Variants in ADAMTS14 observed in about 807,000 individuals in gnomAD.
The protein encoded by ADAMTS14 is A disintegrin and metalloproteinase with thrombospondin motifs 14.
A neutral mutation model predicts 128.6 loss-of-function variants in ADAMTS14; 100 were observed. That is an observed-to-expected ratio of 0.78 (90% CI 0.66 to 0.92). ADAMTS14 has a LOEUF of 0.92. Among genes scored for constraint, ADAMTS14 ranks in the 40% least tolerant of loss-of-function variants. The pLI, the probability that ADAMTS14 is intolerant of heterozygous loss-of-function variation, is 0.00. For synonymous variants in ADAMTS14, 665 were observed against 653.8 expected, an observed-to-expected ratio of 1.02 and a Z score of -0.26; for missense variants, 1,562 against 1,658.6, an observed-to-expected ratio of 0.94 and a Z score of 1.01.
At chr10:70,753,677 C>G in intron 18 of ADAMTS14, 123 bp from the exon 19 acceptor site, 2 of 1,086,424 alleles carry the variant, frequency 1.8e-6, no homozygotes, top group South Asian at 3.3e-5. Flanking sequence ...TCCTAGGCCT[C>G]AAACATTCTG....
chr10:70,698,830 A>G (rs1477071), intron 2 of ADAMTS14, among the ~76,000 whole-genome samples: 56,170 of 151,938 alleles, frequency 0.37, 11,292 homozygotes, highest in East Asian at 0.76. Context: ...GAGGCCTAAG[A>G]GTGTGGAGGC....
intron 19 of ADAMTS14, 108 bp from the exon 20 acceptor site, chr10:70,757,854 T>C: frequency 1.4e-6 from 2 of 1,473,356 alleles, no homozygotes; most frequent in South Asian, 1.3e-5. Context: ...CTTTGTACCC[T>C]TTCTGTCCCC....
At chr10:70,738,743 A>G (rs950362093) in intron 10 of ADAMTS14, 99 bp from the exon 11 acceptor site, 1 of 1,547,884 alleles carries the variant, frequency 6.5e-7, no homozygotes, top group African/African-American at 1.4e-5. Flanking sequence ...GATTCTGCCT[A>G]AACCCAGGCT....
chr10:70,674,457 A>G (rs552246637), intron 1 of ADAMTS14, 99 bp from the exon 2 acceptor site: 14 of 1,246,124 alleles, frequency 1.1e-5, no homozygotes, highest in Non-Finnish European at 1.5e-5. Context: ...TAAGGGTGAC[A>G]CTGAGAGTTC....
rs767521635 is a variant in ADAMTS14 at position 70,758,197 on chromosome 10, G to A, written c.3090G>A (p.Val1030=). ...CAGGAAATCACCAGAACTCCACGGT[G>A]AGGGCCGATGTCTGGGAACTTGGGA... ...ACGGNHQNST[V]RADVWELGTP... The change falls in exon 21 of 22, where the codon GTG becomes GTA. Residue 1030 remains valine, a synonymous_variant. Coordinates refer to ENST00000373207, the MANE Select transcript of ADAMTS14 (RefSeq NM_080722.4). 18 of 1,614,114 alleles carry A rather than the reference G, an allele frequency of 1.1e-5. 1 individual carries two copies. In the South Asian group the frequency reaches 1.9e-4, roughly 17 times the overall value.
At chr10:70,731,560 C>T (rs1033763121) in intron 6 of ADAMTS14, among the ~76,000 whole-genome samples, 1 of 152,202 alleles carries the variant, frequency 6.6e-6, no homozygotes, top group Non-Finnish European at 1.5e-5. Context: ...GGCCCCCCTG[C>T]ACTGCCATGA....
intron 6 of ADAMTS14, among the ~76,000 whole-genome samples, chr10:70,731,064 C>CCACACACACA (rs56903140): frequency 0.045 from 6,519 of 145,676 alleles, 182 homozygotes; most frequent in Non-Finnish European, 0.06. Flanking sequence ...GTTTTACACA[C>CCACACACACA]CACACACACA....
chr10:70,723,701 A>G (rs1841342749), intron 4 of ADAMTS14, among the ~76,000 whole-genome samples: 1 of 152,118 alleles, frequency 6.6e-6, no homozygotes, highest in Non-Finnish European at 1.5e-5. Context: ...TTGCTTTTTC[A>G]GCACTGGCCT....
At chr10:70,673,683 A>C (rs967339317) in intron 1 of ADAMTS14, among the ~76,000 whole-genome samples, 1 of 152,178 alleles carries the variant, frequency 6.6e-6, no homozygotes, top group African/African-American at 2.4e-5. Context: ...TTCATCAGTG[A>C]CGTGAACTGG....
rs369344374 is a variant in ADAMTS14, at chr10:70,673,563, G to A, written c.82+679G>A. Among the ~76,000 whole-genome samples, 13 of 152,274 alleles carry A rather than the reference G, an allele frequency of 8.5e-5. No homozygotes were observed. The East Asian group carries it at 2.1e-3, about 25-fold the overall frequency. ...CTCCTTGTTTGTGAGCCTTGTTCAT[G>A]TGCCAGAGTGGGTCCCCTCTTGCAG... On this transcript the variant is annotated intron_variant, in intron 1 of 21. Coordinates refer to ENST00000373207, the MANE Select transcript of ADAMTS14 (RefSeq NM_080722.4).
chr10:70,732,636 T>G (rs896006284), intron 7 of ADAMTS14, among the ~76,000 whole-genome samples: 16 of 152,228 alleles, frequency 1.1e-4, no homozygotes, highest in African/African-American at 3.9e-4. Flanking sequence ...GATGTGGCCC[T>G]GCCTTTGGGT....
intron 19 of ADAMTS14, among the ~76,000 whole-genome samples, chr10:70,755,733 C>CGGG: frequency 6.6e-6 from 1 of 152,180 alleles, no homozygotes; most frequent in African/African-American, 2.4e-5. Context: ...CCTGTAATCT[C>CGGG]AGCTACTCGG....
At chr10:70,713,535 C>T (rs1355035210) in intron 4 of ADAMTS14, among the ~76,000 whole-genome samples, 2 of 152,224 alleles carry the variant, frequency 1.3e-5, no homozygotes, top group Non-Finnish European at 2.9e-5. Flanking sequence ...CTGTGCTTGT[C>T]AGTGGAACCC....
intron 6 of ADAMTS14, among the ~76,000 whole-genome samples, chr10:70,731,259 A>G (rs1392736765): frequency 6.7e-6 from 1 of 149,314 alleles, no homozygotes; most frequent in Non-Finnish European, 1.5e-5. Flanking sequence ...ATGTACATGC[A>G]TGCACAGGCA....
intron 4 of ADAMTS14, among the ~76,000 whole-genome samples, chr10:70,711,915 G>A (rs916671395): frequency 1.3e-5 from 2 of 152,192 alleles, no homozygotes; most frequent in South Asian, 2.1e-4. Context: ...CCAATGACAG[G>A]AGCCCAGGGA....
At chr10:70,696,692 C>T (rs1840340942) in intron 2 of ADAMTS14, among the ~76,000 whole-genome samples, 1 of 152,048 alleles carries the variant, frequency 6.6e-6, no homozygotes, top group Admixed American at 6.6e-5. Context: ...CTTGGAGGTC[C>T]CGATGAAGTT....
intron 10 of ADAMTS14, 90 bp downstream of exon 10, chr10:70,736,883 C>G (rs1008918496): frequency 8.4e-7 from 1 of 1,187,698 alleles, no homozygotes; most frequent in African/African-American, 1.5e-5. Context: ...TGAACCCTGA[C>G]CCCTCCCTCC....
At chr10:70,738,693 A>G (rs1841902228) in intron 10 of ADAMTS14, 149 bp from the exon 11 acceptor site, 2 of 1,049,216 alleles carry the variant, frequency 1.9e-6, no homozygotes, top group Non-Finnish European at 2.7e-6. Flanking sequence ...CAGAAAGGCA[A>G]GCCTTTTGTT....
At chr10:70,699,120 T>A (rs1386642686) in intron 2 of ADAMTS14, among the ~76,000 whole-genome samples, 1 of 152,064 alleles carries the variant, frequency 6.6e-6, no homozygotes, top group Admixed American at 6.5e-5. Flanking sequence ...GAAAGCCATG[T>A]TTTCTTGCTC....
Sources: gnomAD v4.1 joint callset for allele counts (sites outside exome capture counted in the v4.1 genomes callset) on GRCh38, gnomAD v4.1.1 for gene constraint, MANE v1.5 for transcripts, NCBI Gene and HGNC (gene_info 2026-07-23, HGNC 2026-07-21) for gene names.